PPHLN1: variants seen among roughly 807,000 people sequenced by gnomAD.
PPHLN1 encodes periphilin-1.
PPHLN1 carries 29 observed loss-of-function variants against 51.3 expected under a neutral mutation model. That is an observed-to-expected ratio of 0.57 (90% CI 0.42 to 0.77). The LOEUF (loss-of-function observed/expected upper bound fraction) is 0.77. Among genes scored for constraint, PPHLN1 ranks in the 30% least tolerant of loss-of-function variants. PPHLN1 has a pLI of 0.00. For synonymous variants in PPHLN1, 147 were observed against 147.8 expected (o/e 0.99, Z 0.04); for missense variants, 436 against 438.4 (o/e 0.99, Z 0.05).
intron 5 of PPHLN1, among the ~76,000 whole-genome samples, chr12:42,376,536 T>G (rs1227492287): frequency 6.6e-6 from 1 of 152,128 alleles, no homozygotes; most frequent in East Asian, 1.9e-4. Flanking sequence ...CCTGTAATCC[T>G]TGCACTTTGG....
At chr12:42,377,283 C>T (rs1394485392) in intron 5 of PPHLN1, among the ~76,000 whole-genome samples, 1 of 106,798 alleles carries the variant, frequency 9.4e-6, no homozygotes, top group African/African-American at 3.3e-5. Context: ...CATCTAAGAC[C>T]CTTAAAATTT....
intron 9 of PPHLN1, among the ~76,000 whole-genome samples, chr12:42,409,251 A>T (rs1484439221): frequency 6.6e-6 from 1 of 151,940 alleles, no homozygotes; most frequent in Admixed American, 6.6e-5. Context: ...ATTAAAACCA[A>T]AAAAAATGGA....
chr12:42,379,816 C>T (rs1723434800), intron 5 of PPHLN1, among the ~76,000 whole-genome samples: 1 of 151,952 alleles, frequency 6.6e-6, no homozygotes, highest in African/African-American at 2.4e-5. Flanking sequence ...ATATTAGCAC[C>T]TGATAAGAAC....
intron 4 of PPHLN1, chr12:42,361,693 C>T (rs745571212): frequency 2.0e-5 from 3 of 152,118 alleles, no homozygotes; most frequent in Non-Finnish European, 4.4e-5. Flanking sequence ...TAAAGTATGC[C>T]ATTTACACAA....
At chr12:42,363,934 A>G (rs562681908) in intron 4 of PPHLN1, among the ~76,000 whole-genome samples, 1 of 152,208 alleles carries the variant, frequency 6.6e-6, no homozygotes, top group African/African-American at 2.4e-5. Flanking sequence ...CTTATAATAA[A>G]CCTTAGCGGT....
At chr12:42,429,876 T>C (rs1008322431) in intron 9 of PPHLN1, among the ~76,000 whole-genome samples, 1 of 152,232 alleles carries the variant, frequency 6.6e-6, no homozygotes, top group Non-Finnish European at 1.5e-5. Context: ...ACCCATCACC[T>C]GGATTCTATA....
intron 9 of PPHLN1, among the ~76,000 whole-genome samples, chr12:42,440,289 G>T (rs1283500980): frequency 6.6e-6 from 1 of 151,850 alleles, no homozygotes; most frequent in Non-Finnish European, 1.5e-5. Flanking sequence ...CTCATTACTG[G>T]TATATAGGAA....
At chr12:42,447,988 CAT>C (rs2083377688), downstream of PPHLN1, 1 of 152,172 alleles carries the variant, frequency 6.6e-6, no homozygotes, top group African/African-American at 2.4e-5. Flanking sequence ...ATTCTTCCCT[CAT>C]ATGAGCAGTG....
At chr12:42,392,605 G>A (rs2077826458) in intron 7 of PPHLN1, among the ~76,000 whole-genome samples, 1 of 152,094 alleles carries the variant, frequency 6.6e-6, no homozygotes, top group Admixed American at 6.6e-5. Context: ...TTACCTTAAC[G>A]GCCCTAAGGA....
Position 42,348,322 on chromosome 12 carries a change from G to A in PPHLN1, c.73-3563G>A, listed in dbSNP as rs936668556. Reference sequence around the variant, plus strand: ...TTTTTAGTAGAAACGGGGTTTCACCGTGTTGGCCAGGCTGGTCTCAATCTC... The same window carrying A: ...TTTTTAGTAGAAACGGGGTTTCACCATGTTGGCCAGGCTGGTCTCAATCTC... On this transcript the variant is annotated intron_variant, in intron 2 of 9. Transcript: ENST00000358314. 1.8e-3 allele frequency among the ~76,000 whole-genome samples: 246 copies of A among 133,582 alleles called. 3 individuals are homozygous for A. The highest frequency in any genetic ancestry group is 6.4e-3 in the African/African-American group (220 of 34,260). The allele number at this position is 133,582 out of a possible 152,430, so 87.6% of individuals were successfully genotyped here.
At chr12:42,393,837 C>T (rs2077956644) in intron 8 of PPHLN1, 148 bp downstream of exon 8, 13 of 784,542 alleles carry the variant, frequency 1.7e-5, no homozygotes, top group Non-Finnish European at 2.2e-5. Context: ...GAATGATAGT[C>T]AGAATATGAA....
At chr12:42,368,194 C>G (rs2075453193) in intron 4 of PPHLN1, among the ~76,000 whole-genome samples, 2 of 152,100 alleles carry the variant, frequency 1.3e-5, no homozygotes, top group Non-Finnish European at 2.9e-5. Context: ...ATGGCTCTTC[C>G]TGCATACTTA....
chr12:42,401,303 A>G (rs771022172), intron 9 of PPHLN1, among the ~76,000 whole-genome samples: 4 of 152,228 alleles, frequency 2.6e-5, no homozygotes, highest in Non-Finnish European at 5.9e-5. Context: ...TATTTGGTAG[A>G]TAATAAATGA....
chr12:42,400,211 G>GT (rs1430471304), intron 9 of PPHLN1: 1 of 151,932 alleles, frequency 6.6e-6, no homozygotes, highest in Non-Finnish European at 1.5e-5. Flanking sequence ...GCTCACGCCT[G>GT]TAATCCCAGC....
chr12:42,442,860 C>T (rs180729732), downstream of PPHLN1: 81 of 1,456,070 alleles, frequency 5.6e-5, 1 homozygote, highest in East Asian at 1.5e-3. Context: ...ATTGAAACAA[C>T]TGCTTAAAGC....
intron 9 of PPHLN1, among the ~76,000 whole-genome samples, chr12:42,426,228 A>ACACACACC (rs371819974): frequency 2.1e-3 from 275 of 129,858 alleles, no homozygotes; most frequent in South Asian, 6.1e-3. Context: ...ACACACACAC[A>ACACACACC]CCCTCATGCA....
At chr12:42,400,126 T>C (rs1318764898) in intron 9 of PPHLN1, 2 of 152,306 alleles carry the variant, frequency 1.3e-5, no homozygotes, top group East Asian at 3.9e-4. Context: ...TTGTTTTATT[T>C]ACTGCTACAT....
intron 2 of PPHLN1, chr12:42,351,240 CAT>C (rs1194037410): frequency 7.9e-5 from 12 of 152,156 alleles, no homozygotes; most frequent in South Asian, 2.1e-4. Flanking sequence ...TAACCTAAGA[CAT>C]ATGTTCTCCC....
downstream of PPHLN1, chr12:42,445,492 C>T (rs554169283): frequency 4.7e-6 from 1 of 214,376 alleles, no homozygotes; most frequent in African/African-American, 2.3e-5. Context: ...GACACCTATT[C>T]TCACCTAATT....
Sources: gnomAD v4.1 joint callset for allele counts (sites outside exome capture counted in the v4.1 genomes callset) on GRCh38, gnomAD v4.1.1 for gene constraint, MANE v1.5 for transcripts, NCBI Gene and HGNC (gene_info 2026-07-23, HGNC 2026-07-21) for gene names.